Variants in DSCAML1 observed in about 807,000 individuals in gnomAD.
The protein encoded by DSCAML1 is DS cell adhesion molecule like 1.
A neutral mutation model predicts 200.5 loss-of-function variants in DSCAML1; 38 were observed. The ratio of observed to expected loss-of-function variants is 0.19; its 90% CI spans 0.15 to 0.25. The LOEUF (loss-of-function observed/expected upper bound fraction) is 0.25, where lower values mean the gene tolerates loss of function less well. Among genes scored for constraint, DSCAML1 ranks in the 10% least tolerant of loss-of-function variants. DSCAML1 has a pLI of 1.00. For synonymous variants in DSCAML1, 1,215 were observed against 1,165.0 expected (o/e 1.04, Z -0.87); for missense variants, 2,223 against 2,858.8 (o/e 0.78, Z 5.07).
chr11:117,470,357 C>A (rs868446810), intron 15 of DSCAML1, among the ~76,000 whole-genome samples: 1 of 152,168 alleles, frequency 6.6e-6, no homozygotes, highest in African/African-American at 2.4e-5. Context: ...GGGCGGATCA[C>A]GAGGTCAGGA....
chr11:117,471,719 C>G, intron 15 of DSCAML1, 150 bp downstream of exon 15: 4 of 881,188 alleles, frequency 4.5e-6, no homozygotes, highest in Non-Finnish European at 6.8e-6. Context: ...TGCAGTGATC[C>G]AGAGGTGGAC....
At chr11:117,788,507 A>G (rs1041452175) in intron 1 of DSCAML1, among the ~76,000 whole-genome samples, 2 of 152,062 alleles carry the variant, frequency 1.3e-5, no homozygotes, top group African/African-American at 4.8e-5. Flanking sequence ...TTGTATTTTT[A>G]GTAGAGATGG....
rs188746388 is a variant in DSCAML1 at position 117,757,653 on chromosome 11, T to C, written c.511+19138A>G. On this transcript the variant is annotated intron_variant, in intron 3 of 32. Coordinates refer to ENST00000651296, the MANE Select transcript of DSCAML1 (RefSeq NM_020693.4). ...TTCCACCTAACATCATATTAGGATC[T>C]TTTTCTCTGTAAGTTAAAAATGCAT... 4.1e-3 allele frequency among the ~76,000 whole-genome samples: 624 copies of C among 152,158 alleles called. 4 individuals carry two copies. Among genetic ancestry groups the C allele is most frequent in the African/African-American group, 0.014 (600 of 41,502 alleles).
At chr11:117,807,819 C>G (rs1466820580) in intron 1 of DSCAML1, among the ~76,000 whole-genome samples, 2 of 152,186 alleles carry the variant, frequency 1.3e-5, no homozygotes, top group Non-Finnish European at 2.9e-5. Flanking sequence ...CAGTCTGGTT[C>G]TGGCTTTCGT....
At position 117,433,145 on chromosome 11, in the gene DSCAML1, C is replaced by A; in HGVS notation, c.5019G>T (p.Lys1673Asn). 2 of 1,613,754 alleles carry A rather than the reference C, an allele frequency of 1.2e-6. No homozygotes were observed. Among genetic ancestry groups the A allele is most frequent in the Non-Finnish European group, 1.7e-6 (2 of 1,179,802 alleles). The change falls in exon 29 of 33, where the codon AAG becomes AAT. Residue 1673 changes from lysine to asparagine, a missense_variant. Lys to Asn is a moderately conservative substitution (Grantham distance 94). Transcript: ENST00000651296. Reference protein sequence around the residue: ...QLLIEDKEGIKQLGDDKATIP... With the variant: ...QLLIEDKEGINQLGDDKATIP... Reference sequence around the variant, plus strand: ...GTGGCACCTGTCACTCACCCAGTTGCTTGATGCCTTCTTTGTCCTCGATGA... The same window carrying A: ...GTGGCACCTGTCACTCACCCAGTTGATTGATGCCTTCTTTGTCCTCGATGA...
At chr11:117,557,777 C>T (rs992538519) in intron 3 of DSCAML1, among the ~76,000 whole-genome samples, 24 of 151,396 alleles carry the variant, frequency 1.6e-4, no homozygotes, top group Admixed American at 4.6e-4. Context: ...GGGGAAAAAG[C>T]GGGCTGAGGC....
At chr11:117,464,765 C>T (rs1021588418) in intron 17 of DSCAML1, among the ~76,000 whole-genome samples, 177 bp downstream of exon 17, 1 of 152,254 alleles carries the variant, frequency 6.6e-6, no homozygotes, top group Non-Finnish European at 1.5e-5. Flanking sequence ...ATGGCCCATA[C>T]ATCTCTGGAG....
intron 3 of DSCAML1, among the ~76,000 whole-genome samples, chr11:117,658,744 A>G (rs73014409): frequency 6.6e-6 from 1 of 152,322 alleles, no homozygotes; most frequent in Non-Finnish European, 1.5e-5. Flanking sequence ...AGTGGCGAAG[A>G]TTCTCCTTAG....
intron 11 of DSCAML1, among the ~76,000 whole-genome samples, chr11:117,488,671 C>T (rs4938392): frequency 0.024 from 3,648 of 152,290 alleles, 59 homozygotes; most frequent in Non-Finnish European, 0.038. Flanking sequence ...GCATTACACA[C>T]ACATAACCCG....
chr11:117,500,264 C>A (rs1229135728), intron 11 of DSCAML1, among the ~76,000 whole-genome samples: 1 of 152,182 alleles, frequency 6.6e-6, no homozygotes, highest in East Asian at 1.9e-4. Flanking sequence ...ATCTCAGATT[C>A]TTTCTGTATC....
chr11:117,746,916 C>T (rs1010329642), intron 3 of DSCAML1, among the ~76,000 whole-genome samples: 4 of 152,214 alleles, frequency 2.6e-5, no homozygotes, highest in Non-Finnish European at 5.9e-5. Flanking sequence ...GGACATGCCT[C>T]CAACACAGCA....
At chr11:117,615,025 C>T (rs552210657) in intron 3 of DSCAML1, among the ~76,000 whole-genome samples, 3 of 152,208 alleles carry the variant, frequency 2.0e-5, no homozygotes, top group East Asian at 1.9e-4. Context: ...GAAAAAAAGC[C>T]GGTAAAGAAT....
chr11:117,453,108 T>A (rs550024520), intron 19 of DSCAML1, among the ~76,000 whole-genome samples: 1 of 152,244 alleles, frequency 6.6e-6, no homozygotes, highest in Middle Eastern at 3.4e-3. Flanking sequence ...TTAATTTTTG[T>A]ATTTTTAGTA....
At chr11:117,436,461 A>G (rs2047917273) in intron 26 of DSCAML1, among the ~76,000 whole-genome samples, 1 of 152,154 alleles carries the variant, frequency 6.6e-6, no homozygotes, top group Non-Finnish European at 1.5e-5. Flanking sequence ...ACACATAGGT[A>G]GACTTGTGAC....
chr11:117,701,828 C>T lies in DSCAML1; in HGVS notation c.511+74963G>A, dbSNP rs552969921. 7.2e-5 allele frequency among the ~76,000 whole-genome samples: 11 copies of T among 152,306 alleles called. No homozygotes were observed. In the East Asian group the frequency reaches 7.7e-4, roughly 11 times the overall value. ...CTACCCTCAGGCCTGGTGACCTGGA[C>T]GTCCTGGGGATGTCATCCCCGCGCT... On this transcript the variant is annotated intron_variant, in intron 3 of 32. Transcript: ENST00000651296.
At chr11:117,763,061 TG>T (rs1416156203) in intron 3 of DSCAML1, among the ~76,000 whole-genome samples, 13 of 152,110 alleles carry the variant, frequency 8.5e-5, no homozygotes, top group African/African-American at 3.1e-4. Flanking sequence ...ACCACTCTGG[TG>T]AGCTCCCACA....
chr11:117,609,921 C>G (rs182294244), intron 3 of DSCAML1, among the ~76,000 whole-genome samples: 27 of 152,090 alleles, frequency 1.8e-4, no homozygotes, highest in Non-Finnish European at 3.4e-4. Context: ...TGGTAGAAAC[C>G]GAGAGGGTCT....
upstream of DSCAML1, among the ~76,000 whole-genome samples, chr11:117,799,182 T>C (rs548702376): frequency 6.6e-6 from 1 of 152,314 alleles, no homozygotes; most frequent in Non-Finnish European, 1.5e-5. Context: ...TCTTCTACCA[T>C]GCCCCCTCCC....
intron 11 of DSCAML1, among the ~76,000 whole-genome samples, chr11:117,502,493 T>C (rs748079378): frequency 9.2e-5 from 14 of 152,178 alleles, no homozygotes; most frequent in Non-Finnish European, 2.1e-4. Flanking sequence ...TGCTTTTTGA[T>C]AGTGTGAGGG....
Sources: gnomAD v4.1 joint callset for allele counts (sites outside exome capture counted in the v4.1 genomes callset) on GRCh38, gnomAD v4.1.1 for gene constraint, MANE v1.5 for transcripts, NCBI Gene and HGNC (gene_info 2026-07-23, HGNC 2026-07-21) for gene names.